The following MET variants were observed in gnomAD, a reference collection of about 807,000 sequenced individuals.
MET encodes the protein MET proto-oncogene, receptor tyrosine kinase, also known as hepatocyte growth factor receptor.
A neutral mutation model predicts 133.1 loss-of-function variants in MET; 48 were observed. The ratio of observed to expected loss-of-function variants is 0.36; its 90% CI spans 0.29 to 0.46. The LOEUF (loss-of-function observed/expected upper bound fraction) is 0.46, where lower values mean the gene tolerates loss of function less well. MET is among the 20% of genes least tolerant of loss of function. The pLI, the probability that MET is intolerant of heterozygous loss-of-function variation, is 1.00. For synonymous variants in MET, 628 were observed against 616.5 expected, an observed-to-expected ratio of 1.02 and a Z score of -0.28; for missense variants, 1,442 against 1,695.9, an observed-to-expected ratio of 0.85 and a Z score of 2.63.
rs1554397514 is a variant in MET at position 116,767,974 on chromosome 7, A to ATATGTGTGTG, written c.2584-1670_2584-1669insATGTGTGTGT. 5.7e-5 allele frequency among the ~76,000 whole-genome samples: 8 copies of ATATGTGTGTG among 140,198 alleles called. No individual in the cohort carries two copies. The Admixed American group carries it at 5.8e-4, about 10-fold the overall frequency. 92.0% of individuals were successfully genotyped at this position (140,198 alleles called of 152,430 possible). A position where few individuals can be genotyped will look rare whatever the true frequency, so the allele number is the denominator to read the frequency against. ...GCTTCTAATATGCATATATATATAT[A>ATATGTGTGTG]TGTGTGTGTGTGTGTGTGTGTGTGT... On this transcript the variant is annotated intron_variant, in intron 11 of 20. Transcript: ENST00000397752.
chr7:116,733,148 A>T (rs572088455), intron 3 of MET, among the ~76,000 whole-genome samples: 1 of 152,080 alleles, frequency 6.6e-6, no homozygotes, highest in East Asian at 1.9e-4. Flanking sequence ...AGAGACATGC[A>T]CTCTAATGGA....
In MET at chr7:116,757,602, A is replaced by G. The variant is rs201319905; in HGVS notation, c.1966-36A>G. On this transcript the variant is annotated intron_variant, in intron 7 of 20. Coordinates refer to ENST00000397752, the MANE Select transcript of MET (RefSeq NM_000245.4). The stretch of plus-strand genomic sequence containing the variant: ...TTAATCTATTTAAATTATAAGATGA[A>G]CAAGTTACTTTGTTTTGTTTTTATC... 517 of 1,613,740 alleles carry G rather than the reference A, an allele frequency of 3.2e-4. No individual in the cohort carries two copies. Among genetic ancestry groups the G allele is most frequent in the Non-Finnish European group, 4.2e-4 (490 of 1,179,716 alleles).
chr7:116,760,752 C>T (rs1794368719), intron 10 of MET, among the ~76,000 whole-genome samples: 2 of 152,172 alleles, frequency 1.3e-5, no homozygotes, highest in African/African-American at 4.8e-5. Flanking sequence ...CCTTCTCAAT[C>T]AGCCACATTG....
At chr7:116,756,700 G>C in intron 6 of MET, among the ~76,000 whole-genome samples, 1 of 152,278 alleles carries the variant, frequency 6.6e-6, no homozygotes, top group African/African-American at 2.4e-5. Flanking sequence ...ATTTAAATAA[G>C]CATGTACAAG....
chr7:116,702,929 C>T (rs1167775250), intron 2 of MET, among the ~76,000 whole-genome samples: 5 of 151,906 alleles, frequency 3.3e-5, no homozygotes, highest in African/African-American at 1.2e-4. Flanking sequence ...AGCAGGTGTA[C>T]CAGGCCTGAC....
chr7:116,740,121 T>C, intron 4 of MET, 37 bp downstream of exon 4: 1 of 1,613,058 alleles, frequency 6.2e-7, no homozygotes, highest in Non-Finnish European at 8.5e-7. Context: ...ATAGACGTGG[T>C]TTTTCCCAAA....
rs1795688017 is a variant in MET, at chr7:116,796,634, T to G, written c.*510T>G. Reference sequence around the variant, plus strand: ...CACCCATTAGGTAAACATTCCCTTTTAAATGTTTGTTTGTTTTTTGAGACA... The same window carrying G: ...CACCCATTAGGTAAACATTCCCTTTGAAATGTTTGTTTGTTTTTTGAGACA... On this transcript the variant is annotated 3_prime_UTR_variant, in exon 21 of 21. Transcript: ENST00000397752. 3.7e-6 allele frequency: 1 copy of G among 273,296 alleles called. No individual in the cohort carries two copies. The highest frequency in any genetic ancestry group is 7.1e-6 in the Non-Finnish European group (1 of 141,722). 16.9% of individuals were successfully genotyped at this position (273,296 alleles called of 1,614,324 possible).
intron 2 of MET, among the ~76,000 whole-genome samples, chr7:116,705,380 G>A (rs1791748940): frequency 6.6e-6 from 1 of 152,064 alleles, no homozygotes; most frequent in African/African-American, 2.4e-5. Context: ...TGGAGTCAAT[G>A]TTACAAATAA....
intron 5 of MET, among the ~76,000 whole-genome samples, chr7:116,748,499 A>C (rs556537526): frequency 2.0e-5 from 3 of 152,318 alleles, no homozygotes; most frequent in East Asian, 3.9e-4. Context: ...AATTTGTAGC[A>C]CTAAATGCCC....
intron 2 of MET, among the ~76,000 whole-genome samples, chr7:116,703,914 T>C (rs1791674347): frequency 6.6e-6 from 1 of 152,144 alleles, no homozygotes; most frequent in Admixed American, 6.6e-5. Context: ...GAAAATACAA[T>C]TAGCACACAA....
intron 5 of MET, among the ~76,000 whole-genome samples, chr7:116,747,829 C>T (rs1205625016): frequency 6.6e-6 from 1 of 152,200 alleles, no homozygotes; most frequent in African/African-American, 2.4e-5. Context: ...ATACATTCTT[C>T]TCAGCACCAC....
chr7:116,764,259 T>C lies in MET; in HGVS notation c.2583+991T>C, dbSNP rs936803610. Among the ~76,000 whole-genome samples the C allele has an allele frequency of 4.6e-5, 7 of 152,208 alleles. No homozygotes were observed. In the East Asian group the frequency reaches 9.6e-4, roughly 21 times the overall value. On this transcript the variant is annotated intron_variant, in intron 11 of 20. Transcript: ENST00000397752. ...AACCTCATTATTGTGTTTTGTACAA[T>C]AATTAAGCAAGCCCAGCATAAAATT... is the stretch of plus-strand genomic sequence containing the variant.
chr7:116,676,987 T>TG (rs997184113), intron 1 of MET, among the ~76,000 whole-genome samples: 5 of 102,838 alleles, frequency 4.9e-5, no homozygotes, highest in Non-Finnish European at 1.3e-4. Flanking sequence ...AGTGTTGTTT[T>TG]GTTTTTTTTT....
At chr7:116,709,349 A>G (rs1791910804) in intron 2 of MET, among the ~76,000 whole-genome samples, 1 of 152,170 alleles carries the variant, frequency 6.6e-6, no homozygotes, top group Non-Finnish European at 1.5e-5. Flanking sequence ...AATAGTGTTG[A>G]TTTTATTTGA....
At chr7:116,746,022 A>T (rs1793665566) in intron 5 of MET, among the ~76,000 whole-genome samples, 1 of 152,218 alleles carries the variant, frequency 6.6e-6, no homozygotes, top group Admixed American at 6.5e-5. Flanking sequence ...AATTTTTGCA[A>T]TCTACTCATC....
At chr7:116,687,373 C>T (rs951574893) in intron 1 of MET, among the ~76,000 whole-genome samples, 1 of 152,210 alleles carries the variant, frequency 6.6e-6, no homozygotes, top group Non-Finnish European at 1.5e-5. Context: ...TCTATTTGCT[C>T]AGCATTCTCT....
At chr7:116,748,975 C>T (rs1376177102) in intron 5 of MET, among the ~76,000 whole-genome samples, 1 of 152,116 alleles carries the variant, frequency 6.6e-6, no homozygotes, top group Non-Finnish European at 1.5e-5. Context: ...AGCCTACCAA[C>T]CAAAAAAAGC....
chr7:116,695,239 T>C (rs1442361796), intron 1 of MET, among the ~76,000 whole-genome samples: 10 of 152,192 alleles, frequency 6.6e-5, no homozygotes, highest in Non-Finnish European at 1.2e-4. Flanking sequence ...CTCTAGATGG[T>C]TTAGATACAT....
At position 116,699,581 on chromosome 7, in the gene MET, T is replaced by C. The variant is rs773830746; in HGVS notation, c.497T>C (p.Ile166Thr). ...SEVHCIFSPQ[I>T]EEPSQCPDCV... ...GTTCACTGCATATTCTCCCCACAGATAGAAGAGCCCAGCCAGTGTCCTGAC... is the reference window on the plus strand; with the variant it reads ...GTTCACTGCATATTCTCCCCACAGACAGAAGAGCCCAGCCAGTGTCCTGAC... Residue 166 changes from isoleucine (I) to threonine (T), a missense_variant, in exon 2 of 21, where the codon ATA (isoleucine) becomes ACA (threonine). This residue lies in a region of MET where 762 missense variants were observed against 792.4 expected (regional missense o/e 0.96). Transcript: ENST00000397752. 3 of 1,613,970 alleles carry C rather than the reference T, an allele frequency of 1.9e-6. No homozygotes were observed. The highest frequency in any genetic ancestry group is 1.1e-5 in the South Asian group (1 of 91,084).
Sources: gnomAD v4.1 joint callset for allele counts (sites outside exome capture counted in the v4.1 genomes callset) on GRCh38, gnomAD v4.1.1 for gene constraint, gnomAD v4.1.1 regional missense constraint, MANE v1.5 for transcripts, NCBI Gene and HGNC (gene_info 2026-07-23, HGNC 2026-07-21) for gene names.